BRINP1: variants seen among roughly 807,000 people sequenced by gnomAD.
BRINP1 encodes BMP/retinoic acid-inducible neural-specific protein 1.
Under a neutral mutation model 72.9 loss-of-function variants are expected in BRINP1, and 17 were observed. The ratio of observed to expected loss-of-function variants is 0.23; its 90% confidence interval spans 0.16 to 0.35. The LOEUF (loss-of-function observed/expected upper bound fraction) is 0.35. Ranked by LOEUF, BRINP1 falls within the 10% of genes least tolerant of loss-of-function variation. The pLI is 1.00. For synonymous variants in BRINP1, 418 were observed against 378.5 expected (o/e 1.10, Z -1.21); for missense variants, 850 against 1,001.6 (o/e 0.85, Z 2.04).
rs1588188381 is a variant in BRINP1, at chr9:119,278,031, T to C, written c.219-28881A>G. 2.6e-5 allele frequency among the ~76,000 whole-genome samples: 4 copies of C among 152,364 alleles called. No individual in the cohort carries two copies. In the South Asian group the frequency reaches 8.3e-4, roughly 32 times the overall value. ...ATTATTCCATATATCGAATATTATA[T>C]AGTTATTCCTTATCTATACTGAATC... On this transcript the variant is annotated intron_variant, in intron 2 of 7. Coordinates refer to ENST00000265922, the MANE Select transcript of BRINP1 (RefSeq NM_014618.3).
intron 7 of BRINP1, among the ~76,000 whole-genome samples, chr9:119,175,101 AAAACTT>A (rs1367389105): frequency 4.0e-5 from 5 of 124,244 alleles, no homozygotes; most frequent in African/African-American, 2.0e-4. Context: ...CATGTACCCT[AAAACTT>A]AAAGTAAAGT....
chr9:119,314,292 AG>A (rs1214117811), intron 1 of BRINP1, among the ~76,000 whole-genome samples: 1 of 152,164 alleles, frequency 6.6e-6, no homozygotes, highest in Non-Finnish European at 1.5e-5. Flanking sequence ...TTTGGTAGAG[AG>A]GTACCTTGTG....
At chr9:119,235,696 T>C (rs1007794279) in intron 5 of BRINP1, among the ~76,000 whole-genome samples, 5 of 152,216 alleles carry the variant, frequency 3.3e-5, no homozygotes, top group African/African-American at 9.6e-5. Flanking sequence ...AATATATTTG[T>C]TGACTTGAAC....
intron 5 of BRINP1, 43 bp downstream of exon 5, chr9:119,238,612 A>G (rs1458232269): frequency 1.7e-6 from 2 of 1,199,468 alleles, no homozygotes; most frequent in African/African-American, 1.5e-5. Context: ...CACATCCATG[A>G]TGTTTCCCCC....
At chr9:119,259,248 A>G (rs539069840) in intron 2 of BRINP1, among the ~76,000 whole-genome samples, 1 of 152,322 alleles carries the variant, frequency 6.6e-6, no homozygotes, top group Non-Finnish European at 1.5e-5. Context: ...GAACATCTGC[A>G]AATCCCTCAG....
rs59715609 is a variant in BRINP1 at position 119,294,853 on chromosome 9, T to TAAAAAAAAAAAAAAAAAA, written c.218+18267_218+18284dup. Among the ~76,000 whole-genome samples, 2 of 128,034 alleles carry TAAAAAAAAAAAAAAAAAA rather than the reference T, an allele frequency of 1.6e-5. 1 individual carries two copies. The highest frequency in any genetic ancestry group is 3.3e-5 in the Non-Finnish European group (2 of 60,700). The allele number at this position is 128,034 out of a possible 152,430, so 84.0% of individuals were successfully genotyped here. A position where few individuals can be genotyped will look rare whatever the true frequency, so the allele number is the denominator to read the frequency against. The stretch of plus-strand genomic sequence containing the variant: ...CCTGAGCAACAGAGTGACACTACGT[T>TAAAAAAAAAAAAAAAAAA]AAAAAAAAAAAAAAAAAAGACACAC... On this transcript the variant is annotated intron_variant, in intron 2 of 7. Transcript: ENST00000265922.
chr9:119,188,496 C>T lies in BRINP1; in HGVS notation c.1145+20223G>A, dbSNP rs373345966. Among the ~76,000 whole-genome samples the T allele has an allele frequency of 9.8e-5, 15 of 152,294 alleles. 1 individual carries two copies. Among genetic ancestry groups the T allele is most frequent in the African/African-American group, 3.6e-4 (15 of 41,548 alleles). On this transcript the variant is annotated intron_variant, in intron 7 of 7. Coordinates refer to ENST00000265922, the MANE Select transcript of BRINP1 (RefSeq NM_014618.3). ...AAATGTTTAGAGCCAGGCATGGTGG[C>T]TCACATCTGTAATCTCAAAGACTGT...
chr9:119,313,414 G>A lies in BRINP1; in HGVS notation c.-50-9C>T. 4.3e-5 allele frequency: 64 copies of A among 1,505,702 alleles called. No homozygotes were observed. The highest frequency in any genetic ancestry group is 2.3e-4 in the South Asian group (17 of 73,146). 93.3% of individuals were successfully genotyped at this position (1,505,702 alleles called of 1,614,324 possible). On this transcript the variant is annotated splice_polypyrimidine_tract_variant and intron_variant, in intron 1 of 7. Transcript: ENST00000265922. ...CTCCATTCTGTGGAGTCCTATAGAA[G>A]AAAGAATAAAAAAGAGAGAGAAAAA...
chr9:119,174,437 G>T (rs1429270943), intron 7 of BRINP1, among the ~76,000 whole-genome samples: 11 of 149,406 alleles, frequency 7.4e-5, no homozygotes, highest in Non-Finnish European at 1.5e-4. Context: ...ACACCAGTTA[G>T]AATGGCAAAC....
rs1178572267 is a variant in BRINP1 at position 119,368,787 on chromosome 9, C to G, written c.-51+269G>C. On this transcript the variant is annotated intron_variant, in intron 1 of 7. Transcript: ENST00000265922. This position sits in a 1 kb window ranked among gnomAD's most constrained non-coding sequence, Gnocchi z 4.7. ...ACACGCAAACACACTAGCACCACAT[C>G]AAGTTCCCACCATGGTGCACACGTC... 6.6e-6 allele frequency among the ~76,000 whole-genome samples: 1 copy of G among 152,192 alleles called. No individual in the cohort carries two copies. The highest frequency in any genetic ancestry group is 1.5e-5 in the Non-Finnish European group (1 of 68,030).
At chr9:119,299,154 C>A (rs890303006) in intron 2 of BRINP1, among the ~76,000 whole-genome samples, 4 of 152,172 alleles carry the variant, frequency 2.6e-5, no homozygotes, top group South Asian at 2.1e-4. Context: ...AGTATAGTCA[C>A]CATGTTGAAC....
intron 2 of BRINP1, among the ~76,000 whole-genome samples, chr9:119,298,723 C>T (rs150129092): frequency 4.9e-4 from 75 of 152,278 alleles, no homozygotes; most frequent in African/African-American, 1.7e-3. Flanking sequence ...TCTCCCAACA[C>T]CCTTCTAGCT....
chr9:119,295,437 T>C (rs1302312098), intron 2 of BRINP1, among the ~76,000 whole-genome samples: 1 of 152,256 alleles, frequency 6.6e-6, no homozygotes, highest in African/African-American at 2.4e-5. Flanking sequence ...CATAGCCTAT[T>C]GCTCTTAGGC....
chr9:119,230,142 T>C (rs181511662), intron 5 of BRINP1, among the ~76,000 whole-genome samples: 1 of 151,962 alleles, frequency 6.6e-6, no homozygotes, highest in African/African-American at 2.4e-5. Flanking sequence ...AAAATAAAAA[T>C]AATAGTTTTC....
At chr9:119,365,475 G>T (rs1368333623) in intron 1 of BRINP1, among the ~76,000 whole-genome samples, 2 of 152,160 alleles carry the variant, frequency 1.3e-5, no homozygotes, top group African/African-American at 4.8e-5. Flanking sequence ...GACGGGTAGG[G>T]TATGTCTAAC....
chr9:119,248,482 G>A (rs1443109818), intron 3 of BRINP1, among the ~76,000 whole-genome samples: 2 of 152,190 alleles, frequency 1.3e-5, no homozygotes, highest in Non-Finnish European at 2.9e-5. Context: ...AGGCTGAGCA[G>A]GGTGGAACAA....
intron 2 of BRINP1, among the ~76,000 whole-genome samples, chr9:119,278,295 T>C (rs1436282650): frequency 2.0e-5 from 3 of 152,220 alleles, no homozygotes; most frequent in Admixed American, 2.0e-4. Flanking sequence ...CCTACTGCCC[T>C]GAGGGCACTG....
intron 1 of BRINP1, among the ~76,000 whole-genome samples, chr9:119,314,250 C>T (rs1339195105): frequency 6.6e-6 from 1 of 152,052 alleles, no homozygotes; most frequent in Non-Finnish European, 1.5e-5. Context: ...AGTGGTGCTG[C>T]GAGGGTGAAA....
chr9:119,214,126 G>T lies in BRINP1; in HGVS notation c.715C>A (p.Gln239Lys), dbSNP rs952728300. The T allele has an allele frequency of 2.5e-6, 4 of 1,614,052 alleles. No individual in the cohort carries two copies. Among genetic ancestry groups the T allele is most frequent in the Non-Finnish European group, 3.4e-6 (4 of 1,179,920 alleles). The change falls in exon 6 of 8, where the codon CAA becomes AAA. Residue 239 changes from glutamine to lysine, a missense_variant. By Grantham distance (53) the Gln-to-Lys change is moderately conservative. Coordinates refer to ENST00000265922, the MANE Select transcript of BRINP1 (RefSeq NM_014618.3). ...GLQIIFPQYL[Q>K]EKFVQSALSY... is the part of the protein sequence containing the mutation. ...AAGGCCGACTGGACAAACTTCTCTT[G>T]CAGATACTGAGGAAAGATTATCTGA...
Sources: allele counts gnomAD v4.1 joint callset (sites outside exome capture counted in the v4.1 genomes callset), GRCh38; gene constraint gnomAD v4.1.1; non-coding constraint Gnocchi (gnomAD v3.1); transcripts MANE v1.5; gene names NCBI Gene and HGNC (gene_info 2026-07-23, HGNC 2026-07-21).